NTN1: variants seen among roughly 807,000 people sequenced by gnomAD.
NTN1 encodes the protein netrin 1, also known as netrin-1.
Under a neutral mutation model 54.2 loss-of-function variants are expected in NTN1, and 11 were observed. The ratio of observed to expected loss-of-function variants is 0.20; its 90% CI spans 0.13 to 0.34. The LOEUF (loss-of-function observed/expected upper bound fraction) is 0.34. Ranked by LOEUF, NTN1 falls within the 10% of genes least tolerant of loss-of-function variation. The pLI is 1.00. For synonymous variants in NTN1, 371 were observed against 382.0 expected (o/e 0.97, Z 0.33); for missense variants, 740 against 893.1 (o/e 0.83, Z 2.18).
intron 2 of NTN1, among the ~76,000 whole-genome samples, chr17:9,062,430 T>C (rs912591880): frequency 2.8e-4 from 42 of 152,184 alleles, no homozygotes; most frequent in African/African-American, 9.9e-4. Flanking sequence ...TGAGCCAGAA[T>C]GTTACTCGAG....
In NTN1 at chr17:9,228,561, CAG is replaced by C. The variant is rs572929195; in HGVS notation, c.1486+7324_1486+7325del. Among the ~76,000 whole-genome samples the C allele has an allele frequency of 7.9e-5, 12 of 152,298 alleles. No individual in the cohort carries two copies. The East Asian group carries it at 2.3e-3, about 29-fold the overall frequency. Reference sequence around the variant, plus strand: ...CCTGGGACTCAGAAAGAGGGGGAGACAGAGAGCTCACATTCTGAAAGGTGAGA... The same window carrying C: ...CCTGGGACTCAGAAAGAGGGGGAGACAGAGCTCACATTCTGAAAGGTGAGA... On this transcript the variant is annotated intron_variant, in intron 6 of 6. Coordinates refer to ENST00000173229, the MANE Select transcript of NTN1 (RefSeq NM_004822.3).
intron 2 of NTN1, among the ~76,000 whole-genome samples, chr17:9,128,663 C>G (rs1374746119): frequency 6.6e-6 from 1 of 152,124 alleles, no homozygotes; most frequent in Non-Finnish European, 1.5e-5. Flanking sequence ...GAAGACAACT[C>G]CAGGATCCTT....
chr17:9,198,590 C>G (rs1325734155), intron 5 of NTN1, among the ~76,000 whole-genome samples: 2 of 152,134 alleles, frequency 1.3e-5, no homozygotes, highest in African/African-American at 2.4e-5. Flanking sequence ...TCCAAGAGCC[C>G]TACACTGTAG....
chr17:9,190,056 G>A (rs190115237), intron 5 of NTN1, among the ~76,000 whole-genome samples: 1 of 152,340 alleles, frequency 6.6e-6, no homozygotes, highest in East Asian at 1.9e-4. Context: ...AATTCTATAA[G>A]GAGCCGTTAA....
intron 2 of NTN1, among the ~76,000 whole-genome samples, chr17:9,073,499 ATGTT>A (rs2092039412): frequency 6.6e-6 from 1 of 152,028 alleles, no homozygotes; most frequent in African/African-American, 2.4e-5. Context: ...AGCTGGAGGG[ATGTT>A]TGTTTGTGTC....
At chr17:9,070,090 C>T (rs1410750533) in intron 2 of NTN1, among the ~76,000 whole-genome samples, 1 of 152,130 alleles carries the variant, frequency 6.6e-6, no homozygotes, top group Non-Finnish European at 1.5e-5. Context: ...AGAGGTTGGA[C>T]CCTGTACCAC....
At chr17:9,070,920 T>C (rs948853936) in intron 2 of NTN1, among the ~76,000 whole-genome samples, 5 of 151,828 alleles carry the variant, frequency 3.3e-5, no homozygotes, top group African/African-American at 1.2e-4. Context: ...CTACATGTGC[T>C]TTGTGGAGCA....
chr17:9,029,825 C>T (rs1056899916), intron 2 of NTN1, among the ~76,000 whole-genome samples: 1 of 152,038 alleles, frequency 6.6e-6, no homozygotes, highest in Non-Finnish European at 1.5e-5. Flanking sequence ...AACCCCGTGT[C>T]TACTAAAAAT....
intron 5 of NTN1, among the ~76,000 whole-genome samples, chr17:9,216,116 T>A (rs1288386141): frequency 6.6e-6 from 1 of 152,134 alleles, no homozygotes; most frequent in Non-Finnish European, 1.5e-5. Flanking sequence ...TATGGTCTTT[T>A]TGTTTGTTTT....
chr17:9,198,037 C>A (rs1246858887), intron 5 of NTN1, among the ~76,000 whole-genome samples: 2 of 152,176 alleles, frequency 1.3e-5, no homozygotes, highest in Non-Finnish European at 2.9e-5. Context: ...AGCCATCCAC[C>A]CAGGTTATCG....
intron 2 of NTN1, among the ~76,000 whole-genome samples, chr17:9,111,452 G>A (rs922947330): frequency 3.3e-5 from 5 of 152,086 alleles, no homozygotes; most frequent in African/African-American, 9.7e-5. Context: ...AGAGGTGAAG[G>A]GGGTGTCAAG....
chr17:9,005,240 C>T, the NTN1 span, among the ~76,000 whole-genome samples: 1 of 152,168 alleles, frequency 6.6e-6, no homozygotes, highest in Non-Finnish European at 1.5e-5. Flanking sequence ...CTTGAAATCA[C>T]GCTTTCTAAG....
chr17:9,048,691 C>T (rs1474424886), intron 2 of NTN1, among the ~76,000 whole-genome samples: 1 of 151,178 alleles, frequency 6.6e-6, no homozygotes, highest in Non-Finnish European at 1.5e-5. Context: ...GAGTCTTGCT[C>T]TGTCACCCAG....
chr17:9,207,760 A>G (rs1237140197), intron 5 of NTN1, among the ~76,000 whole-genome samples: 1 of 152,212 alleles, frequency 6.6e-6, no homozygotes, highest in African/African-American at 2.4e-5. Flanking sequence ...CACACCCCAT[A>G]GACAGCAGGC....
chr17:9,057,919 G>A (rs573968209), intron 2 of NTN1, among the ~76,000 whole-genome samples: 16 of 152,246 alleles, frequency 1.1e-4, no homozygotes, highest in African/African-American at 1.9e-4. Context: ...ACAGAGTCTC[G>A]CTGTGTTGTC....
At chr17:9,184,216 T>G (rs886756772) in intron 5 of NTN1, among the ~76,000 whole-genome samples, 12 of 152,152 alleles carry the variant, frequency 7.9e-5, no homozygotes, top group Admixed American at 4.6e-4. Context: ...AGAAATGCGT[T>G]TCAGGGAGTG....
intron 2 of NTN1, among the ~76,000 whole-genome samples, chr17:9,035,674 C>T (rs1266083619): frequency 6.6e-6 from 1 of 152,144 alleles, no homozygotes; most frequent in Non-Finnish European, 1.5e-5. Flanking sequence ...CTTCAGCCTC[C>T]TGAGTAGCTG....
At chr17:9,169,265 A>G (rs550805638) in intron 3 of NTN1, among the ~76,000 whole-genome samples, 7 of 152,272 alleles carry the variant, frequency 4.6e-5, no homozygotes, top group South Asian at 4.1e-4. Flanking sequence ...TAAGTAGTCA[A>G]CCTCTTAGGA....
At position 9,212,417 on chromosome 17, in the gene NTN1, T is replaced by C. The variant is rs185140423; in HGVS notation, c.1412-8751T>C. 1.2e-3 allele frequency among the ~76,000 whole-genome samples: 190 copies of C among 152,352 alleles called. No homozygotes were observed. The highest frequency in any genetic ancestry group is 0.01 in the Middle Eastern group (3 of 294). The stretch of plus-strand genomic sequence containing the variant: ...CTTGAAAACCGAACACATGGAAATC[T>C]GGACTCTCTGGCCGCGGAGATTCCA... On this transcript the variant is annotated intron_variant, in intron 5 of 6. Coordinates refer to ENST00000173229, the MANE Select transcript of NTN1 (RefSeq NM_004822.3). The surrounding 1 kb of genome is among the most constrained non-coding windows in gnomAD (Gnocchi z 5.5).
Sources: gnomAD v4.1 joint callset for allele counts (sites outside exome capture counted in the v4.1 genomes callset) on GRCh38, gnomAD v4.1.1 for gene constraint, Gnocchi (gnomAD v3.1) non-coding constraint, MANE v1.5 for transcripts, NCBI Gene and HGNC (gene_info 2026-07-23, HGNC 2026-07-21) for gene names.